Variants in IRAK2 observed in about 807,000 individuals in gnomAD.
IRAK2 encodes interleukin-1 receptor-associated kinase-like 2.
A neutral mutation model predicts 72.0 loss-of-function variants in IRAK2; 57 were observed. The observed-to-expected ratio is 0.79, with a 90% CI of 0.64 to 0.99. IRAK2 has a LOEUF of 0.99. Ranked by LOEUF, IRAK2 falls within the 50% of genes least tolerant of loss-of-function variation. The pLI, the probability that IRAK2 is intolerant of heterozygous loss-of-function variation, is 0.00. For missense variants in IRAK2, 790 were observed against 794.4 expected, an observed-to-expected ratio of 0.99 and a Z score of 0.07; for synonymous variants, 293 against 312.7, an observed-to-expected ratio of 0.94 and a Z score of 0.67.
chr3:10,206,916 A>G (rs1424825850), intron 3 of IRAK2, among the ~76,000 whole-genome samples: 1 of 151,540 alleles, frequency 6.6e-6, no homozygotes, highest in African/African-American at 2.4e-5. Context: ...GTGCAGTGGC[A>G]CAGCTCAGCT....
chr3:10,175,542 C>T (rs1042525108), intron 1 of IRAK2, among the ~76,000 whole-genome samples: 2 of 151,936 alleles, frequency 1.3e-5, no homozygotes, highest in East Asian at 1.9e-4. Context: ...TTGCTTGAGG[C>T]GAGGAGTGCG....
chr3:10,218,418 C>T (rs1367582466), intron 7 of IRAK2, among the ~76,000 whole-genome samples: 1 of 124,884 alleles, frequency 8.0e-6, no homozygotes, highest in Non-Finnish European at 1.7e-5. Flanking sequence ...AGTGAGACTC[C>T]GTCTCAAAAA....
chr3:10,231,050 C>A (rs913825722), intron 10 of IRAK2, among the ~76,000 whole-genome samples: 1 of 152,124 alleles, frequency 6.6e-6, no homozygotes, highest in African/African-American at 2.4e-5. Flanking sequence ...GCCCTCACGC[C>A]CAGCTAATTT....
intron 3 of IRAK2, among the ~76,000 whole-genome samples, chr3:10,201,399 C>T (rs1007286332): frequency 1.3e-5 from 2 of 152,230 alleles, no homozygotes; most frequent in East Asian, 1.9e-4. Flanking sequence ...CCCCGGCCCT[C>T]GCAGCCATGC....
chr3:10,176,960 G>A (rs577204866), intron 1 of IRAK2, among the ~76,000 whole-genome samples: 6 of 151,776 alleles, frequency 4.0e-5, no homozygotes, highest in South Asian at 4.2e-4. Flanking sequence ...CCGCCACCAC[G>A]CCCGGCTAAT....
chr3:10,209,951 G>A (rs1468673049), intron 4 of IRAK2, among the ~76,000 whole-genome samples: 1 of 151,990 alleles, frequency 6.6e-6, no homozygotes. Context: ...ACAGAGTCTC[G>A]CTCTGCCACC....
intron 8 of IRAK2, among the ~76,000 whole-genome samples, chr3:10,221,258 T>C (rs2125159445): frequency 7.1e-6 from 1 of 141,574 alleles, no homozygotes; most frequent in East Asian, 2.0e-4. Flanking sequence ...ATTTTTTTTT[T>C]TTTTTTTTTT....
intron 9 of IRAK2, 130 bp downstream of exon 9, chr3:10,222,961 CTG>C: frequency 5.0e-6 from 4 of 801,648 alleles, no homozygotes; most frequent in Admixed American, 2.6e-5. Context: ...GGCTGACAAA[CTG>C]TGGCCCACAG....
intron 3 of IRAK2, among the ~76,000 whole-genome samples, chr3:10,207,684 C>A (rs542561005): frequency 6.6e-6 from 1 of 152,290 alleles, no homozygotes; most frequent in Admixed American, 6.5e-5. Flanking sequence ...ATCTTGTTCA[C>A]TCACTAAGGG....
intron 10 of IRAK2, among the ~76,000 whole-genome samples, chr3:10,229,261 T>C (rs1191047367): frequency 1.3e-5 from 2 of 152,040 alleles, no homozygotes; most frequent in Non-Finnish European, 2.9e-5. Flanking sequence ...TAATTTGATT[T>C]AGAGATAGGG....
intron 1 of IRAK2, among the ~76,000 whole-genome samples, chr3:10,165,777 C>T (rs905872005): frequency 2.2e-5 from 3 of 135,412 alleles, no homozygotes; most frequent in African/African-American, 8.4e-5. Context: ...GTCGCCCAGG[C>T]TGGAGTGCAG....
At chr3:10,188,927 T>C (rs961423926) in intron 2 of IRAK2, among the ~76,000 whole-genome samples, 2 of 152,180 alleles carry the variant, frequency 1.3e-5, no homozygotes, top group East Asian at 1.9e-4. Context: ...TCCCAAAATA[T>C]TGGGATTATA....
intron 2 of IRAK2, among the ~76,000 whole-genome samples, chr3:10,185,711 C>T (rs2125145931): frequency 6.6e-6 from 1 of 151,142 alleles, no homozygotes; most frequent in South Asian, 2.1e-4. Flanking sequence ...ATCGTCTCTA[C>T]TAAAAATACA....
intron 1 of IRAK2, 23 bp from the exon 2 acceptor site, chr3:10,177,815 A>T (rs1163932080): frequency 6.2e-7 from 1 of 1,607,584 alleles, no homozygotes; most frequent in Admixed American, 1.7e-5. Context: ...GACTCTAAGC[A>T]GAGTTCTCTC....
At chr3:10,174,675 C>T (rs950074384) in intron 1 of IRAK2, among the ~76,000 whole-genome samples, 1 of 151,930 alleles carries the variant, frequency 6.6e-6, no homozygotes, top group African/African-American at 2.4e-5. Context: ...CAAGTGGGCA[C>T]CACCACGCTT....
chr3:10,187,762 A>G (rs1179106874), intron 2 of IRAK2, among the ~76,000 whole-genome samples: 1 of 152,194 alleles, frequency 6.6e-6, no homozygotes, highest in Non-Finnish European at 1.5e-5. Flanking sequence ...TGATATGCCC[A>G]TGAGATCAAT....
intron 1 of IRAK2, among the ~76,000 whole-genome samples, chr3:10,176,765 C>T (rs1446007077): frequency 1.3e-5 from 2 of 151,530 alleles, no homozygotes; most frequent in African/African-American, 4.9e-5. Flanking sequence ...GCGTAAGCCA[C>T]TGCGCCTGGC....
intron 1 of IRAK2, among the ~76,000 whole-genome samples, chr3:10,174,030 G>A (rs1472137258): frequency 6.6e-6 from 1 of 152,102 alleles, no homozygotes; most frequent in African/African-American, 2.4e-5. Context: ...TGCCACCCAC[G>A]AGGGGTGGCC....
chr3:10,212,040 A>G (rs370413701), intron 4 of IRAK2, among the ~76,000 whole-genome samples: 2 of 150,738 alleles, frequency 1.3e-5, no homozygotes, highest in African/African-American at 4.9e-5. Flanking sequence ...AGATCACACC[A>G]CTGCACTCCA....
Sources: gnomAD v4.1 joint callset for allele counts (sites outside exome capture counted in the v4.1 genomes callset) on GRCh38, gnomAD v4.1.1 for gene constraint, MANE v1.5 for transcripts, NCBI Gene and HGNC (gene_info 2026-07-23, HGNC 2026-07-21) for gene names.